Variants in SPTB observed in about 807,000 individuals in gnomAD.
The protein encoded by SPTB is spectrin beta chain, erythrocytic.
A neutral mutation model predicts 256.2 loss-of-function variants in SPTB; 45 were observed. The observed-to-expected ratio is 0.18, with a 90% CI of 0.14 to 0.23. The LOEUF (loss-of-function observed/expected upper bound fraction) is 0.23, where lower values mean the gene tolerates loss of function less well. SPTB is among the 10% of genes least tolerant of loss of function. SPTB has a pLI of 1.00. For synonymous variants in SPTB, 1,231 were observed against 1,243.1 expected, an observed-to-expected ratio of 0.99 and a Z score of 0.21; for missense variants, 2,715 against 3,040.4, an observed-to-expected ratio of 0.89 and a Z score of 2.52.
At chr14:64,872,250 CTTA>C (rs943140168) in intron 1 of SPTB, among the ~76,000 whole-genome samples, 11 of 152,300 alleles carry the variant, frequency 7.2e-5, no homozygotes, top group Admixed American at 2.6e-4. Context: ...ATGGAATCAT[CTTA>C]TTCTTTTTCT....
intron 1 of SPTB, among the ~76,000 whole-genome samples, chr14:64,863,487 T>G (rs2139807410): frequency 6.6e-6 from 1 of 152,328 alleles, no homozygotes; most frequent in African/African-American, 2.4e-5. Context: ...CTCCACTTTG[T>G]GTCATGCTAC....
chr14:64,813,996 G>A (rs551309384), intron 2 of SPTB, among the ~76,000 whole-genome samples: 33 of 152,336 alleles, frequency 2.2e-4, no homozygotes, highest in Non-Finnish European at 3.2e-4. Context: ...TTTCCTTTCA[G>A]CCAACTTTCA....
chr14:64,877,330 C>T (rs1882872620), intron 1 of SPTB, among the ~76,000 whole-genome samples: 1 of 152,044 alleles, frequency 6.6e-6, no homozygotes, highest in Admixed American at 6.6e-5. Flanking sequence ...ACCTGAGGTC[C>T]TGGGAATGAA....
At chr14:64,832,452 T>C (rs917291231) in intron 1 of SPTB, among the ~76,000 whole-genome samples, 3 of 152,228 alleles carry the variant, frequency 2.0e-5, no homozygotes, top group Non-Finnish European at 4.4e-5. Context: ...TCTTAAATAG[T>C]GATGCTCCCA....
At chr14:64,832,099 T>C (rs937422714) in intron 1 of SPTB, among the ~76,000 whole-genome samples, 4 of 152,080 alleles carry the variant, frequency 2.6e-5, no homozygotes, top group African/African-American at 9.7e-5. Context: ...TCAGCCCTCC[T>C]CTCCAGAGAT....
intron 1 of SPTB, among the ~76,000 whole-genome samples, chr14:64,858,550 C>T (rs1025447691): frequency 6.6e-6 from 1 of 151,730 alleles, no homozygotes; most frequent in Middle Eastern, 3.2e-3. Flanking sequence ...AGAGAGACAG[C>T]GGAAGCTGCA....
rs748162615 is a variant in SPTB, at chr14:64,750,167, A to G, written c.6603-13T>C. 3.7e-6 allele frequency: 6 copies of G among 1,609,010 alleles called. No homozygotes were observed. The Middle Eastern group carries it at 6.6e-4, about 177-fold the overall frequency. ...GTTGTTCCAGGACCTGCAAAGATGC[A>G]GACAGGCAGGTCACCCACATCCTGA... On this transcript the variant is annotated splice_polypyrimidine_tract_variant and intron_variant, in intron 33 of 35. Transcript: ENST00000644917.
chr14:64,862,420 T>A (rs900074375), intron 1 of SPTB, among the ~76,000 whole-genome samples: 2 of 152,050 alleles, frequency 1.3e-5, no homozygotes, highest in Non-Finnish European at 2.9e-5. Context: ...AATTCTAAAA[T>A]GCTTTCAAAT....
At chr14:64,762,628 G>A (rs1245271976) in intron 32 of SPTB, among the ~76,000 whole-genome samples, 2 of 152,218 alleles carry the variant, frequency 1.3e-5, no homozygotes, top group African/African-American at 4.8e-5. Flanking sequence ...CAGCTCCTAC[G>A]TTCAGCCCTA....
chr14:64,844,533 T>C lies in SPTB; in HGVS notation c.-51-21388A>G, dbSNP rs1349789896. Among the ~76,000 whole-genome samples, 1 of 152,234 alleles carries C rather than the reference T, an allele frequency of 6.6e-6. No homozygotes were observed. Among genetic ancestry groups the C allele is most frequent in the Non-Finnish European group, 1.5e-5 (1 of 68,034 alleles). On this transcript the variant is annotated intron_variant, in intron 1 of 35. Transcript: ENST00000644917. The surrounding 1 kb of genome is among the most constrained non-coding windows in gnomAD (Gnocchi z 4.1). Reference sequence around the variant, plus strand: ...AAACTGAAGCTCACAGAAGTTAAGCTACTTGCCCAAAGTCACACAACTGTG... The same window carrying C: ...AAACTGAAGCTCACAGAAGTTAAGCCACTTGCCCAAAGTCACACAACTGTG...
rs1279342786 is a variant in SPTB, at chr14:64,784,271, T to G, written c.3978A>C (p.Glu1326Asp). ...QAFVAELASH[E>D]GWLENIDAEG... is the part of the protein sequence containing the mutation. ...CCGCATCGATGTTCTCTAGCCACCCTTCATGGGAAGCCAGCTCTGCCACAA... is the reference window on the plus strand; with the variant it reads ...CCGCATCGATGTTCTCTAGCCACCCGTCATGGGAAGCCAGCTCTGCCACAA... Residue 1326 changes from glutamate (E) to aspartate (D), a missense_variant, in exon 19 of 36, where the codon GAA becomes GAC. Physicochemically the swap from Glu to Asp is conservative, Grantham distance 45. Around this residue, in one of 4 missense-constraint regions of SPTB, gnomAD observed 2,239 missense variants for 2,384.4 expected, o/e 0.94. Transcript: ENST00000644917. The G allele has an allele frequency of 5.0e-6, 8 of 1,614,118 alleles. No individual in the cohort carries two copies.
At chr14:64,765,783 G>A (rs767135605) in intron 32 of SPTB, among the ~76,000 whole-genome samples, 2 of 151,992 alleles carry the variant, frequency 1.3e-5, no homozygotes, top group Non-Finnish European at 2.9e-5. Context: ...GGGCAGGTGG[G>A]ATGGGACAGC....
Position 64,786,314 on chromosome 14 carries a change from G to GA in SPTB, c.3561+89_3561+90insT, listed in dbSNP as rs2082567441. ...CAGAGTACAAGACAAGAGTAATGTG[G>GA]TCCCTGAGTCTTACAGCACATTTGT... On this transcript the variant is annotated intron_variant, in intron 16 of 35. Coordinates refer to ENST00000644917, the MANE Select transcript of SPTB (RefSeq NM_001355436.2). This position sits in a 1 kb window ranked among gnomAD's most constrained non-coding sequence, Gnocchi z 5.6. 6.6e-7 allele frequency: 1 copy of GA among 1,518,774 alleles called. No homozygotes were observed. The allele number at this position is 1,518,774 out of a possible 1,614,324, so 94.1% of individuals were successfully genotyped here.
At position 64,792,928 on chromosome 14, in the gene SPTB, C is replaced by T; in HGVS notation, c.2666+69G>A. 1 of 1,609,234 alleles carries T rather than the reference C, an allele frequency of 6.2e-7. No homozygotes were observed. Among genetic ancestry groups the T allele is most frequent in the Non-Finnish European group, 8.5e-7 (1 of 1,177,302 alleles). ...CCTTTGCTGATCCAGAGACTATTAC[C>T]AAACTAGGTGGGAGATGGTGCCCAG... On this transcript the variant is annotated intron_variant, in intron 14 of 35. Transcript: ENST00000644917. The surrounding 1 kb of genome is among the most constrained non-coding windows in gnomAD (Gnocchi z 4.2).
At chr14:64,838,238 A>G (rs960631893) in intron 1 of SPTB, among the ~76,000 whole-genome samples, 2 of 152,236 alleles carry the variant, frequency 1.3e-5, no homozygotes, top group African/African-American at 4.8e-5. Context: ...GACCCATACC[A>G]CATACCATAT....
intron 1 of SPTB, among the ~76,000 whole-genome samples, chr14:64,871,191 T>A (rs1224460690): frequency 6.6e-6 from 1 of 152,154 alleles, no homozygotes; most frequent in East Asian, 1.9e-4. Flanking sequence ...TTAGCAAGTT[T>A]GAAGAAGGGA....
At chr14:64,780,832 AG>A (rs2082456726) in intron 20 of SPTB, among the ~76,000 whole-genome samples, 2 of 152,372 alleles carry the variant, frequency 1.3e-5, no homozygotes, top group South Asian at 4.1e-4. Context: ...TTATACTACA[AG>A]GCTACAGTGA....
intron 1 of SPTB, among the ~76,000 whole-genome samples, chr14:64,875,364 C>T (rs556680653): frequency 4.6e-5 from 7 of 152,330 alleles, no homozygotes; most frequent in Non-Finnish European, 8.8e-5. Flanking sequence ...GATCACTTGG[C>T]TGTGAATTAA....
chr14:64,766,296 G>A, intron 32 of SPTB: 1 of 796,834 alleles, frequency 1.3e-6, no homozygotes, highest in East Asian at 6.2e-5. Flanking sequence ...GTGGGCATGT[G>A]CCTGTGTGTA....
Sources: gnomAD v4.1 joint callset for allele counts (sites outside exome capture counted in the v4.1 genomes callset) on GRCh38, gnomAD v4.1.1 for gene constraint, gnomAD v4.1.1 regional missense constraint, Gnocchi (gnomAD v3.1) non-coding constraint, MANE v1.5 for transcripts, NCBI Gene and HGNC (gene_info 2026-07-23, HGNC 2026-07-21) for gene names.